Variants in CACNA2D1 observed in about 807,000 individuals in gnomAD.
The protein encoded by CACNA2D1 is calcium voltage-gated channel auxiliary subunit alpha2delta 1, also known as voltage-dependent calcium channel subunit alpha-2/delta-1.
In CACNA2D1, 53 loss-of-function variants were observed where a neutral mutation model predicts 171.5. That is an observed-to-expected ratio of 0.31 (90% confidence interval 0.25 to 0.39). The LOEUF is 0.39. Ranked by LOEUF, CACNA2D1 falls within the 10% of genes least tolerant of loss-of-function variation. The pLI, the probability that CACNA2D1 is intolerant of heterozygous loss-of-function variation, is 1.00. For synonymous variants in CACNA2D1, 442 were observed against 443.1 expected, an observed-to-expected ratio of 1.00 and a Z score of 0.03; for missense variants, 903 against 1,299.8, an observed-to-expected ratio of 0.69 and a Z score of 4.69.
intron 20 of CACNA2D1, 43 bp downstream of exon 20, chr7:81,994,825 T>G: frequency 8.5e-6 from 8 of 944,158 alleles, no homozygotes; most frequent in Non-Finnish European, 1.2e-5. Context: ...CAATTATTCT[T>G]GATATAATTT....
intron 1 of CACNA2D1, among the ~76,000 whole-genome samples, chr7:82,374,784 GCCCC>G (rs144170964): frequency 0.62 from 92,005 of 148,220 alleles, 29,210 homozygotes; most frequent in Middle Eastern, 0.74. Context: ...AAACAAAAAT[GCCCC>G]CCAAAAAAAG....
intron 1 of CACNA2D1, among the ~76,000 whole-genome samples, chr7:82,351,483 A>G (rs2129446116): frequency 6.6e-6 from 1 of 152,164 alleles, no homozygotes; most frequent in East Asian, 1.9e-4. Context: ...TATGAAACAA[A>G]CTAGTTACTA....
chr7:81,980,868 T>C (rs1796373064), intron 24 of CACNA2D1, among the ~76,000 whole-genome samples: 1 of 152,082 alleles, frequency 6.6e-6, no homozygotes, highest in Admixed American at 6.6e-5. Context: ...GATTGCTCGT[T>C]TGGGAGGATG....
At chr7:82,006,666 A>C (rs1799152199) in intron 16 of CACNA2D1, among the ~76,000 whole-genome samples, 1 of 152,096 alleles carries the variant, frequency 6.6e-6, no homozygotes, top group Non-Finnish European at 1.5e-5. Flanking sequence ...TCTGAGCAAA[A>C]ACTTCCCAAC....
At chr7:82,096,810 T>G (rs1428276099) in intron 6 of CACNA2D1, among the ~76,000 whole-genome samples, 2 of 151,958 alleles carry the variant, frequency 1.3e-5, no homozygotes, top group Non-Finnish European at 2.9e-5. Flanking sequence ...CAGCATCATA[T>G]TTAATCATTT....
chr7:82,358,370 T>A (rs1022290199), intron 1 of CACNA2D1, among the ~76,000 whole-genome samples: 13 of 152,218 alleles, frequency 8.5e-5, no homozygotes, highest in Admixed American at 2.6e-4. Flanking sequence ...GAGTGCTTGT[T>A]ATCTACATTA....
At chr7:82,058,844 T>TA (rs1806258736) in intron 10 of CACNA2D1, among the ~76,000 whole-genome samples, 1 of 152,108 alleles carries the variant, frequency 6.6e-6, no homozygotes, top group African/African-American at 2.4e-5. Flanking sequence ...ATAAAATACT[T>TA]ACAGTTTATT....
chr7:82,164,825 A>ACT (rs1795273838), intron 4 of CACNA2D1, among the ~76,000 whole-genome samples: 1 of 150,912 alleles, frequency 6.6e-6, no homozygotes, highest in African/African-American at 2.4e-5. Context: ...TTTTTTCTTA[A>ACT]TTTTTTTATT....
intron 4 of CACNA2D1, among the ~76,000 whole-genome samples, chr7:82,141,781 A>G (rs1234368950): frequency 1.3e-5 from 2 of 152,176 alleles, no homozygotes; most frequent in Non-Finnish European, 2.9e-5. Context: ...TAGTCAAGAC[A>G]TTGCCCGTCT....
intron 3 of CACNA2D1, among the ~76,000 whole-genome samples, chr7:82,203,015 G>A (rs976689029): frequency 1.1e-4 from 16 of 152,238 alleles, no homozygotes; most frequent in African/African-American, 3.6e-4. Flanking sequence ...ATGCCCAAGC[G>A]GGAGAAGGAC....
intron 3 of CACNA2D1, among the ~76,000 whole-genome samples, chr7:82,262,821 C>T (rs1349976725): frequency 6.6e-6 from 1 of 152,150 alleles, no homozygotes; most frequent in Admixed American, 6.5e-5. Flanking sequence ...AAGAGTCACA[C>T]TCTCTCCTTC....
intron 3 of CACNA2D1, among the ~76,000 whole-genome samples, chr7:82,220,568 A>G (rs1022067331): frequency 6.6e-5 from 10 of 152,182 alleles, no homozygotes; most frequent in Non-Finnish European, 1.3e-4. Context: ...TGAATTTACT[A>G]TTTATAAATC....
intron 3 of CACNA2D1, among the ~76,000 whole-genome samples, chr7:82,302,901 G>A (rs559164763): frequency 4.6e-5 from 7 of 152,248 alleles, no homozygotes; most frequent in East Asian, 1.9e-4. Context: ...TTATACAACC[G>A]TTAAAAACCA....
chr7:82,263,947 T>A (rs929063887), intron 3 of CACNA2D1, among the ~76,000 whole-genome samples: 1 of 152,118 alleles, frequency 6.6e-6, no homozygotes. Flanking sequence ...GTTTTTTTTT[T>A]CCTCTGAAAA....
At chr7:82,098,658 T>C (rs1000153820) in intron 6 of CACNA2D1, among the ~76,000 whole-genome samples, 1 of 152,130 alleles carries the variant, frequency 6.6e-6, no homozygotes, top group Non-Finnish European at 1.5e-5. Flanking sequence ...TATAAGGCCA[T>C]AAAGTTCTAC....
intron 10 of CACNA2D1, among the ~76,000 whole-genome samples, chr7:82,047,404 C>A (rs1804678148): frequency 6.6e-6 from 1 of 151,998 alleles, no homozygotes; most frequent in Admixed American, 6.6e-5. Flanking sequence ...TGGAAAATTC[C>A]CTAGTTGAAA....
At chr7:82,210,149 G>C (rs1280559573) in intron 3 of CACNA2D1, among the ~76,000 whole-genome samples, 2 of 150,216 alleles carry the variant, frequency 1.3e-5, no homozygotes, top group Admixed American at 6.7e-5. Flanking sequence ...AGTATTTGTT[G>C]AATAAATGAA....
intron 3 of CACNA2D1, among the ~76,000 whole-genome samples, chr7:82,220,859 A>G (rs1246809120): frequency 6.6e-6 from 1 of 150,480 alleles, no homozygotes; most frequent in Non-Finnish European, 1.5e-5. Context: ...GCTCACTGCA[A>G]CCTCCACCAC....
chr7:82,226,755 A>G (rs1802407457), intron 3 of CACNA2D1, among the ~76,000 whole-genome samples: 1 of 152,232 alleles, frequency 6.6e-6, no homozygotes, highest in Non-Finnish European at 1.5e-5. Flanking sequence ...AAAGTATCTT[A>G]GCGACTGTTT....
Sources: allele counts gnomAD v4.1 joint callset (sites outside exome capture counted in the v4.1 genomes callset), GRCh38; gene constraint gnomAD v4.1.1; transcripts MANE v1.5; gene names NCBI Gene and HGNC (gene_info 2026-07-23, HGNC 2026-07-21).